FMN1: variants seen among roughly 807,000 people sequenced by gnomAD.
FMN1 encodes formin 1.
A neutral mutation model predicts 132.4 loss-of-function variants in FMN1; 110 were observed. The ratio of observed to expected loss-of-function variants is 0.83; its 90% confidence interval spans 0.71 to 0.97. The LOEUF is 0.97. FMN1 is among the 50% of genes least tolerant of loss of function. The pLI, the probability that FMN1 is intolerant of heterozygous loss-of-function variation, is 0.00. For missense variants in FMN1, 1,792 were observed against 1,705.3 expected (o/e 1.05, Z -0.90); for synonymous variants, 722 against 651.7 (o/e 1.11, Z -1.64).
intron 19 of FMN1, among the ~76,000 whole-genome samples, chr15:32,783,808 A>G (rs914202453): frequency 7.0e-6 from 1 of 143,158 alleles, no homozygotes; most frequent in African/African-American, 2.6e-5. Context: ...GTGGCTTTCC[A>G]TTTAGAGATT....
intron 4 of FMN1, among the ~76,000 whole-genome samples, chr15:33,093,780 G>C (rs1480640076): frequency 6.6e-6 from 1 of 152,212 alleles, no homozygotes. Flanking sequence ...AGAGAGTGGG[G>C]AGCAAGCTCT....
intron 3 of FMN1, among the ~76,000 whole-genome samples, chr15:33,174,350 C>G (rs940589452): frequency 2.0e-5 from 3 of 152,212 alleles, no homozygotes; most frequent in African/African-American, 7.2e-5. Context: ...TAATACCTCC[C>G]CCTCTCAGAT....
chr15:32,818,430 G>A (rs1003886900), intron 17 of FMN1, among the ~76,000 whole-genome samples: 1 of 152,132 alleles, frequency 6.6e-6, no homozygotes, highest in African/African-American at 2.4e-5. Flanking sequence ...GATCTTGTAG[G>A]AAAGAAGTGT....
rs1298990277 is a variant in FMN1 at position 32,777,676 on chromosome 15, T to TTTAC, written c.4131-758_4131-757insGTAA. Among the ~76,000 whole-genome samples the TTTAC allele has an allele frequency of 3.5e-5, 5 of 141,672 alleles. 1 individual carries two copies. Among genetic ancestry groups the TTTAC allele is most frequent in the African/African-American group, 1.3e-4 (5 of 37,418 alleles). 92.9% of individuals were successfully genotyped at this position (141,672 alleles called of 152,430 possible). On this transcript the variant is annotated intron_variant, in intron 19 of 20. Transcript: ENST00000616417. ...TATATATTACGTATAACATAACACATTTATATATTACGTATAACATATAAC... is the reference window on the plus strand; with the variant it reads ...TATATATTACGTATAACATAACACATTTACTTATATATTACGTATAACATATAAC...
At chr15:33,088,634 G>A (rs569952500) in intron 5 of FMN1, among the ~76,000 whole-genome samples, 165 bp downstream of exon 5, 1 of 152,126 alleles carries the variant, frequency 6.6e-6, no homozygotes, top group Non-Finnish European at 1.5e-5. Context: ...ACAAATTTCA[G>A]ATCACCAAGA....
At chr15:33,066,759 C>T (rs1405201538) in intron 5 of FMN1, 1 of 1,613,966 alleles carries the variant, frequency 6.2e-7, no homozygotes, top group Non-Finnish European at 8.5e-7. Context: ...CTCTCTTGGT[C>T]AGCATTGCAG....
intron 9 of FMN1, among the ~76,000 whole-genome samples, chr15:32,932,773 A>AT (rs2061152852): frequency 6.6e-6 from 1 of 152,014 alleles, no homozygotes; most frequent in Non-Finnish European, 1.5e-5. Flanking sequence ...AGGTTATCCA[A>AT]TTTTTTGGCA....
chr15:32,876,845 C>A (rs2059648770), intron 16 of FMN1, among the ~76,000 whole-genome samples: 1 of 152,180 alleles, frequency 6.6e-6, no homozygotes, highest in African/African-American at 2.4e-5. Context: ...TTCATCCCTG[C>A]ATCAGAATAC....
rs188999859 is a variant in FMN1 at position 33,033,564 on chromosome 15, A to G, written c.2162-25489T>C. ...CTACATCAAATTTTCCCTCTCTACC[A>G]GAACCTTCTTTCTGGCATACAAAAA... On this transcript the variant is annotated intron_variant, in intron 6 of 20. Transcript: ENST00000616417. Among the ~76,000 whole-genome samples the G allele has an allele frequency of 4.8e-3, 738 of 152,208 alleles. 8 individuals are homozygous for G. Among genetic ancestry groups the G allele is most frequent in the African/African-American group, 0.017 (710 of 41,528 alleles).
chr15:32,981,975 A>G (rs1282577202), intron 7 of FMN1, among the ~76,000 whole-genome samples: 1 of 151,998 alleles, frequency 6.6e-6, no homozygotes, highest in Non-Finnish European at 1.5e-5. Context: ...ATGTTGGAAA[A>G]CAAATAACGG....
chr15:32,870,818 A>C (rs1205771714), intron 16 of FMN1, among the ~76,000 whole-genome samples: 1 of 152,214 alleles, frequency 6.6e-6, no homozygotes, highest in East Asian at 1.9e-4. Flanking sequence ...GTCCCCACAA[A>C]AATCGCCACC....
chr15:32,785,161 C>CGTACGTGT (rs1479988360), intron 19 of FMN1, among the ~76,000 whole-genome samples: 1 of 51,594 alleles, frequency 1.9e-5, no homozygotes, highest in African/African-American at 8.4e-5. Flanking sequence ...TGTATACGTA[C>CGTACGTGT]GTGTGTGTGT....
intron 4 of FMN1, among the ~76,000 whole-genome samples, chr15:33,140,483 G>A (rs1056553943): frequency 3.9e-5 from 6 of 152,172 alleles, no homozygotes; most frequent in African/African-American, 1.4e-4. Context: ...TCCCCCATCC[G>A]ATGTTGATTC....
chr15:33,099,116 A>G (rs574569946), intron 4 of FMN1, among the ~76,000 whole-genome samples: 1 of 151,930 alleles, frequency 6.6e-6, no homozygotes, highest in Admixed American at 6.6e-5. Flanking sequence ...CTCCATCTAC[A>G]AAAAAAAGAC....
intron 16 of FMN1, among the ~76,000 whole-genome samples, chr15:32,869,438 G>T (rs2059465039): frequency 6.6e-6 from 1 of 152,142 alleles, no homozygotes. Context: ...GTAAGGGAGG[G>T]AGTCATGAGC....
chr15:32,790,114 G>C (rs892602470), intron 19 of FMN1, among the ~76,000 whole-genome samples: 1 of 152,206 alleles, frequency 6.6e-6, no homozygotes. Flanking sequence ...CAAGAGACTG[G>C]AGTAGACCAA....
intron 15 of FMN1, among the ~76,000 whole-genome samples, chr15:32,895,181 G>A (rs2060124074): frequency 6.6e-6 from 1 of 152,088 alleles, no homozygotes; most frequent in South Asian, 2.1e-4. Flanking sequence ...ATACAGAAAG[G>A]TTGAAAACCT....
intron 6 of FMN1, among the ~76,000 whole-genome samples, chr15:33,057,458 ATTGTC>A (rs1025399491): frequency 2.6e-5 from 4 of 152,144 alleles, no homozygotes; most frequent in African/African-American, 4.8e-5. Flanking sequence ...CTTCATATAT[ATTGTC>A]TTATCTCTAC....
rs1567137372 is a variant in FMN1, at chr15:32,770,064, T to C, written c.*4246A>G. On this transcript the variant is annotated 3_prime_UTR_variant, in exon 21 of 21. Transcript: ENST00000616417. Reference sequence around the variant, plus strand: ...ATATGTGGGAGGGGGGAAGGCTATATATTTTTGGACTTCTTCCTTTTTGTC... The same window carrying C: ...ATATGTGGGAGGGGGGAAGGCTATACATTTTTGGACTTCTTCCTTTTTGTC... 1 of 152,222 alleles carries C rather than the reference T, an allele frequency of 6.6e-6. No homozygotes were observed. The highest frequency in any genetic ancestry group is 1.5e-5 in the Non-Finnish European group (1 of 68,034). 9.4% of individuals were successfully genotyped at this position (152,222 alleles called of 1,614,324 possible). A position where few individuals can be genotyped will look rare whatever the true frequency, so the allele number is the denominator to read the frequency against.
Sources: allele counts gnomAD v4.1 joint callset (sites outside exome capture counted in the v4.1 genomes callset), GRCh38; gene constraint gnomAD v4.1.1; transcripts MANE v1.5; gene names NCBI Gene and HGNC (gene_info 2026-07-23, HGNC 2026-07-21).